The following ATP2B2 variants were observed in gnomAD, a reference collection of about 807,000 sequenced individuals.
The protein encoded by ATP2B2 is ATPase plasma membrane Ca2+ transporting 2.
Under a neutral mutation model 120.0 loss-of-function variants are expected in ATP2B2, and 15 were observed. The observed-to-expected ratio is 0.12, with a 90% confidence interval of 0.08 to 0.19. The LOEUF (loss-of-function observed/expected upper bound fraction) is 0.19, where lower values mean the gene tolerates loss of function less well. Among genes scored for constraint, ATP2B2 ranks in the 10% least tolerant of loss-of-function variants. The probability of loss-of-function intolerance (pLI) is 1.00; values close to 1 mark genes in which losing one functional copy is unlikely to be tolerated. For missense variants in ATP2B2, 1,045 were observed against 1,719.8 expected (o/e 0.61, Z 6.94); for synonymous variants, 694 against 700.3 (o/e 0.99, Z 0.14).
At chr3:10,629,603 G>C (rs1185813771) in intron 1 of ATP2B2, among the ~76,000 whole-genome samples, 1 of 152,190 alleles carries the variant, frequency 6.6e-6, no homozygotes, top group Non-Finnish European at 1.5e-5. Context: ...ATAGAGGTTT[G>C]GTTGCAGGTG....
At position 10,375,473 on chromosome 3, in the gene ATP2B2, C is replaced by A; in HGVS notation, c.1373G>T (p.Gly458Val). The A allele has an allele frequency of 6.2e-7, 1 of 1,613,094 alleles. No individual in the cohort carries two copies. Among genetic ancestry groups the A allele is most frequent in the Non-Finnish European group, 8.5e-7 (1 of 1,179,966 alleles). ...CGAGATGGTGACGGCCAGAGGGAGC[C>A]CCTCGGGCACGGCGACCACCAGCAC... is the stretch of plus-strand genomic sequence containing the variant. ...VTVLVVAVPE[G>V]LPLAVTISLA... The change falls in exon 11 of 23, where the codon GGG (glycine) becomes GTG (valine). Residue 458 changes from glycine (G) to valine (V), a missense_variant. Physicochemically the swap from Gly to Val is moderately radical, Grantham distance 109 (BLOSUM62 -3). Coordinates refer to ENST00000360273, the MANE Select transcript of ATP2B2 (RefSeq NM_001001331.4). The surrounding 1 kb of genome is among the most constrained non-coding windows in gnomAD (Gnocchi z 4.2).
intron 10 of ATP2B2, among the ~76,000 whole-genome samples, chr3:10,377,511 C>T (rs962448690): frequency 7.9e-5 from 12 of 152,210 alleles, no homozygotes; most frequent in Admixed American, 2.0e-4. Context: ...CCTCCTTACC[C>T]GGGAGGGGAA....
At position 10,603,987 on chromosome 3, in the gene ATP2B2, T is replaced by C. The variant is rs556366499; in HGVS notation, c.-415+15930A>G. Among the ~76,000 whole-genome samples, 11 of 152,236 alleles carry C rather than the reference T, an allele frequency of 7.2e-5. No individual in the cohort carries two copies. The East Asian group carries it at 1.5e-3, about 21-fold the overall frequency. On this transcript the variant is annotated intron_variant, in intron 2 of 21. Transcript: ENST00000646379. ...GTTTGACTGGGTGGCAGGTCTTCCC[T>C]TGGGAGTCCCACAGGCATCTAAACT...
At chr3:10,382,197 A>T (rs1398352098) in intron 8 of ATP2B2, among the ~76,000 whole-genome samples, 3 of 122,304 alleles carry the variant, frequency 2.5e-5, no homozygotes, top group African/African-American at 3.3e-5. Flanking sequence ...AGCTAATTAA[A>T]TTTTTTTTTT....
At chr3:10,484,714 G>A (rs1575374534) in intron 1 of ATP2B2, among the ~76,000 whole-genome samples, 1 of 152,188 alleles carries the variant, frequency 6.6e-6, no homozygotes, top group Admixed American at 6.5e-5. Context: ...ATTGCGCAGT[G>A]CACCAGTACA....
rs1471893163 is a variant in ATP2B2 at position 10,326,689 on chromosome 3, C to G, written c.*2125G>C. 2.5e-6 allele frequency: 1 copy of G among 398,940 alleles called. No individual in the cohort carries two copies. Among genetic ancestry groups the G allele is most frequent in the Non-Finnish European group, 4.4e-6 (1 of 226,084 alleles). 24.7% of individuals were successfully genotyped at this position (398,940 alleles called of 1,614,324 possible). A position where few individuals can be genotyped will look rare whatever the true frequency, so the allele number is the denominator to read the frequency against. Reference sequence around the variant, plus strand: ...ACCCCTTTGGTTATGCAGTTCCTCTCCTGGATACATTCAGAGATACTTCTT... The same window carrying G: ...ACCCCTTTGGTTATGCAGTTCCTCTGCTGGATACATTCAGAGATACTTCTT... On this transcript the variant is annotated 3_prime_UTR_variant, in exon 23 of 23. Coordinates refer to ENST00000360273, the MANE Select transcript of ATP2B2 (RefSeq NM_001001331.4).
chr3:10,518,432 C>T (rs530046812), intron 3 of ATP2B2, among the ~76,000 whole-genome samples: 6 of 152,250 alleles, frequency 3.9e-5, no homozygotes, highest in African/African-American at 1.2e-4. Flanking sequence ...AAGGATTTCT[C>T]GGAGGTTAGA....
rs142030290 is a variant in ATP2B2, at chr3:10,404,913, A to G, written c.398-2565T>C. Among the ~76,000 whole-genome samples the G allele has an allele frequency of 2.1e-3, 315 of 152,242 alleles. 1 individual carries two copies. Among genetic ancestry groups the G allele is most frequent in the Non-Finnish European group, 3.8e-3 (258 of 68,008 alleles). ...CTTTTGTTATCCCCTGCCCCTTGCTATGTGCTCTGGAAATGGGAAGGCTGT... is the reference window on the plus strand; with the variant it reads ...CTTTTGTTATCCCCTGCCCCTTGCTGTGTGCTCTGGAAATGGGAAGGCTGT... On this transcript the variant is annotated intron_variant, in intron 3 of 22. Coordinates refer to ENST00000360273, the MANE Select transcript of ATP2B2 (RefSeq NM_001001331.4).
intron 3 of ATP2B2, among the ~76,000 whole-genome samples, chr3:10,533,446 A>G (rs1376934560): frequency 6.6e-6 from 1 of 152,212 alleles, no homozygotes; most frequent in Non-Finnish European, 1.5e-5. Flanking sequence ...TGAGACTCAG[A>G]GGGGCTGTCC....
At chr3:10,598,071 A>G (rs1477186989) in intron 2 of ATP2B2, among the ~76,000 whole-genome samples, 2 of 152,228 alleles carry the variant, frequency 1.3e-5, no homozygotes, top group Non-Finnish European at 2.9e-5. Flanking sequence ...GTAAGTGATG[A>G]GACAAACGGG....
At chr3:10,690,963 T>C (rs1161686921) in intron 1 of ATP2B2, among the ~76,000 whole-genome samples, 1 of 152,234 alleles carries the variant, frequency 6.6e-6, no homozygotes, top group Non-Finnish European at 1.5e-5. Flanking sequence ...GCCTGGCACA[T>C]AGTAGGTGCT....
At chr3:10,423,126 A>G (rs946641398) in intron 2 of ATP2B2, among the ~76,000 whole-genome samples, 3 of 152,246 alleles carry the variant, frequency 2.0e-5, no homozygotes, top group Admixed American at 6.5e-5. Context: ...ACCCAGAGAA[A>G]TCTGAATTTT....
At chr3:10,337,144 C>A (rs980287391) in intron 22 of ATP2B2, among the ~76,000 whole-genome samples, 1 of 152,230 alleles carries the variant, frequency 6.6e-6, no homozygotes, top group African/African-American at 2.4e-5. Flanking sequence ...CCTTGGTAAC[C>A]TCTAAAACTG....
chr3:10,331,966 G>A, intron 22 of ATP2B2: 1 of 1,548,450 alleles, frequency 6.5e-7, no homozygotes, highest in Non-Finnish European at 8.7e-7. Flanking sequence ...TCAGGCTCAA[G>A]GTTAAAGACT....
intron 1 of ATP2B2, among the ~76,000 whole-genome samples, chr3:10,646,253 G>T (rs2125658493): frequency 6.6e-6 from 1 of 152,210 alleles, no homozygotes; most frequent in Admixed American, 6.5e-5. Context: ...GTTGTCCTGG[G>T]GATACTTGAG....
intron 2 of ATP2B2, among the ~76,000 whole-genome samples, chr3:10,433,178 T>C (rs1259192539): frequency 6.6e-6 from 1 of 152,194 alleles, no homozygotes; most frequent in Non-Finnish European, 1.5e-5. Flanking sequence ...TGAGGCGAAG[T>C]GTGGGAATAG....
At position 10,346,344 on chromosome 3, in the gene ATP2B2, A is replaced by C. The variant is rs980971145; in HGVS notation, c.2405-207T>G. On this transcript the variant is annotated intron_variant, in intron 16 of 22. Transcript: ENST00000360273. The surrounding 1 kb of genome is among the most constrained non-coding windows in gnomAD (Gnocchi z 4.1). Reference sequence around the variant, plus strand: ...TGGGCTCCTTACTGGGCTGGTGCCGACTTGGGGCCCCCTGTGGCCCGGGCC... The same window carrying C: ...TGGGCTCCTTACTGGGCTGGTGCCGCCTTGGGGCCCCCTGTGGCCCGGGCC... Among the ~76,000 whole-genome samples, 3 of 152,156 alleles carry C rather than the reference A, an allele frequency of 2.0e-5. No homozygotes were observed. Among genetic ancestry groups the C allele is most frequent in the Non-Finnish European group, 4.4e-5 (3 of 68,012 alleles).
intron 1 of ATP2B2, among the ~76,000 whole-genome samples, chr3:10,503,215 T>C (rs186238863): frequency 2.2e-3 from 332 of 152,134 alleles, no homozygotes; most frequent in African/African-American, 7.5e-3. Flanking sequence ...GACTTTGGAG[T>C]CTGCTGAAGG....
chr3:10,678,623 C>T (rs1479952960), intron 1 of ATP2B2, among the ~76,000 whole-genome samples: 1 of 152,152 alleles, frequency 6.6e-6, no homozygotes, highest in African/African-American at 2.4e-5. Flanking sequence ...GTTAAGAGCT[C>T]CTGGAAGCAG....
Sources: allele counts gnomAD v4.1 joint callset (sites outside exome capture counted in the v4.1 genomes callset), GRCh38; gene constraint gnomAD v4.1.1; non-coding constraint Gnocchi (gnomAD v3.1); transcripts MANE v1.5; gene names NCBI Gene and HGNC (gene_info 2026-07-23, HGNC 2026-07-21).